Variants in HEMK2 observed in about 807,000 individuals in gnomAD.
HEMK2 encodes the protein methyltransferase HEMK2.
chr21:28,668,627 G>A, the HEMK2 span, among the ~76,000 whole-genome samples: 15 of 152,282 alleles, frequency 9.9e-5, no homozygotes, highest in African/African-American at 3.1e-4. Context: ...GGAAGTACAT[G>A]CCTCCTGTGC....
chr21:28,581,210 G>C, the HEMK2 span, among the ~76,000 whole-genome samples: 1 of 149,796 alleles, frequency 6.7e-6, no homozygotes, highest in Non-Finnish European at 1.5e-5. Context: ...TATCAGTTTG[G>C]TGCAAAAGTA....
the HEMK2 span, among the ~76,000 whole-genome samples, chr21:28,590,635 AT>A: frequency 6.6e-6 from 1 of 152,198 alleles, no homozygotes; most frequent in Non-Finnish European, 1.5e-5. Flanking sequence ...ATTGTTAAAG[AT>A]TTGTGGTGAT....
chr21:28,739,399 T>C, the HEMK2 span, among the ~76,000 whole-genome samples: 2 of 152,168 alleles, frequency 1.3e-5, no homozygotes, highest in Non-Finnish European at 2.9e-5. Flanking sequence ...TTTAATTACA[T>C]TAGAAGGAAC....
At chr21:28,840,166 T>C in the HEMK2 span, among the ~76,000 whole-genome samples, 4 of 152,252 alleles carry the variant, frequency 2.6e-5, no homozygotes, top group African/African-American at 9.6e-5. Context: ...TAGCCACATG[T>C]AGGAGAATTA....
At chr21:28,821,207 T>G in the HEMK2 span, among the ~76,000 whole-genome samples, 1 of 152,068 alleles carries the variant, frequency 6.6e-6, no homozygotes, top group Non-Finnish European at 1.5e-5. Flanking sequence ...CCCCCTCCAT[T>G]TGGTTCACTG....
chr21:28,643,171 C>T, the HEMK2 span, among the ~76,000 whole-genome samples: 1 of 152,166 alleles, frequency 6.6e-6, no homozygotes, highest in African/African-American at 2.4e-5. Context: ...TGTCAGCAAC[C>T]ACTTATTGCA....
chr21:28,829,650 T>A, the HEMK2 span, among the ~76,000 whole-genome samples: 1 of 152,194 alleles, frequency 6.6e-6, no homozygotes, highest in Non-Finnish European at 1.5e-5. Context: ...TAAGGCAGTA[T>A]CCCATTCTCA....
At chr21:28,851,021 AC>A in the HEMK2 span, among the ~76,000 whole-genome samples, 4 of 152,122 alleles carry the variant, frequency 2.6e-5, no homozygotes, top group East Asian at 1.9e-4. Context: ...TGCTGTGCAC[AC>A]CCCACCTATG....
chr21:28,877,314 GAGAA>G, the HEMK2 span, among the ~76,000 whole-genome samples: 21 of 78,398 alleles, frequency 2.7e-4, no homozygotes, highest in South Asian at 4.3e-4. Flanking sequence ...GAGAGAAAGA[GAGAA>G]AGAAAGAAAA....
chr21:28,726,543 A>G, the HEMK2 span, among the ~76,000 whole-genome samples: 350 of 152,344 alleles, frequency 2.3e-3, no homozygotes, highest in Non-Finnish European at 2.7e-3. Context: ...ATTTTATTAT[A>G]GCAGTGTCTT....
the HEMK2 span, among the ~76,000 whole-genome samples, chr21:28,742,449 A>G: frequency 6.6e-6 from 1 of 152,158 alleles, no homozygotes; most frequent in Non-Finnish European, 1.5e-5. Flanking sequence ...AACATCTCTG[A>G]GGTTTAATTT....
At chr21:28,645,594 G>A in the HEMK2 span, among the ~76,000 whole-genome samples, 1 of 151,892 alleles carries the variant, frequency 6.6e-6, no homozygotes, top group Non-Finnish European at 1.5e-5. Flanking sequence ...GAGCCCCATT[G>A]TTATGGTCTG....
chr21:28,753,240 C>A, the HEMK2 span, among the ~76,000 whole-genome samples: 1 of 151,922 alleles, frequency 6.6e-6, no homozygotes, highest in African/African-American at 2.4e-5. Flanking sequence ...ACCTGTAATC[C>A]CAGCTACTTG....
At chr21:28,797,453 AAC>A in the HEMK2 span, among the ~76,000 whole-genome samples, 6 of 148,442 alleles carry the variant, frequency 4.0e-5, no homozygotes, top group Non-Finnish European at 7.4e-5. Context: ...AAAAAAAAAA[AAC>A]AAAAAACAAA....
the HEMK2 span, among the ~76,000 whole-genome samples, chr21:28,736,959 C>T: frequency 6.6e-6 from 1 of 152,136 alleles, no homozygotes; most frequent in African/African-American, 2.4e-5. Flanking sequence ...GTTCCCACCT[C>T]CCTTCCATAT....
chr21:28,839,405 C>T, the HEMK2 span, among the ~76,000 whole-genome samples: 5 of 152,030 alleles, frequency 3.3e-5, no homozygotes, highest in Non-Finnish European at 5.9e-5. Flanking sequence ...AAAGCGCATT[C>T]AAATCAGTAA....
At chr21:28,716,024 T>C in the HEMK2 span, among the ~76,000 whole-genome samples, 6 of 152,346 alleles carry the variant, frequency 3.9e-5, no homozygotes, top group South Asian at 4.1e-4. Flanking sequence ...AGTTGTACCA[T>C]GCTGTTTTGG....
chr21:28,856,032 A>G, the HEMK2 span, among the ~76,000 whole-genome samples: 9 of 152,216 alleles, frequency 5.9e-5, no homozygotes, highest in Admixed American at 4.6e-4. Flanking sequence ...AGATATTATT[A>G]GGTAAAATGT....
At chr21:28,864,883 T>TATAG in the HEMK2 span, among the ~76,000 whole-genome samples, 101,985 of 141,926 alleles carry the variant, frequency 0.72, 37,016 homozygotes, top group South Asian at 0.82. Flanking sequence ...GATAGGTAGA[T>TATAG]ATAGATGATA....
Sources: gnomAD v4.1 joint callset for allele counts (sites outside exome capture counted in the v4.1 genomes callset) on GRCh38, gnomAD v4.1.1 for gene constraint, MANE v1.5 for transcripts, NCBI Gene and HGNC (gene_info 2026-07-23, HGNC 2026-07-21) for gene names.